The following FOSL2 variants were observed in gnomAD, a reference collection of about 807,000 sequenced individuals.
The protein encoded by FOSL2 is fos-related antigen 2.
Under a neutral mutation model 27.7 loss-of-function variants are expected in FOSL2, and 3 were observed. The observed-to-expected ratio is 0.11, with a 90% CI of 0.05 to 0.28. The LOEUF is 0.28. FOSL2 is among the 10% of genes least tolerant of loss of function. FOSL2 has a pLI of 1.00. For synonymous variants in FOSL2, 179 were observed against 190.1 expected (o/e 0.94, Z 0.48); for missense variants, 333 against 445.1 (o/e 0.75, Z 2.27).
Position 28,404,112 on chromosome 2 carries a change from C to A in FOSL2, c.108C>A (p.Phe36Leu). 1 of 1,613,996 alleles carries A rather than the reference C, an allele frequency of 6.2e-7. No individual in the cohort carries two copies. The highest frequency in any genetic ancestry group is 1.1e-5 in the South Asian group (1 of 91,056). Reference protein sequence around the residue: ...YSSGGGGQQKFRVDMPGSGSA... With the variant: ...YSSGGGGQQKLRVDMPGSGSA... ...ATTTTTTTTCCTCATTTCAGAAATTCCGGGTAGATATGCCTGGCTCAGGCA... is the reference window on the plus strand; with the variant it reads ...ATTTTTTTTCCTCATTTCAGAAATTACGGGTAGATATGCCTGGCTCAGGCA... Residue 36 changes from phenylalanine (F) to leucine (L), a missense_variant, in exon 2 of 4, where the codon TTC becomes TTA. By Grantham distance (22) the Phe-to-Leu change is conservative. Coordinates refer to ENST00000264716, the MANE Select transcript of FOSL2 (RefSeq NM_005253.4). This position sits in a 1 kb window ranked among gnomAD's most constrained non-coding sequence, Gnocchi z 4.7.
In FOSL2 at chr2:28,393,417, G is replaced by C. The variant is rs1663721041; in HGVS notation, c.-304G>C. Reference sequence around the variant, plus strand: ...CGGCTGCGCGCGGGGGCGGGAGGGCGCGCGCAGGGGAGGGACCGAGAGACG... The same window carrying C: ...CGGCTGCGCGCGGGGGCGGGAGGGCCCGCGCAGGGGAGGGACCGAGAGACG... On this transcript the variant is annotated 5_prime_UTR_variant, in exon 1 of 4. Transcript: ENST00000264716. This position sits in a 1 kb window ranked among gnomAD's most constrained non-coding sequence, Gnocchi z 4.6. The C allele has an allele frequency of 2.9e-6, 1 of 341,192 alleles. No individual in the cohort carries two copies. The highest frequency in any genetic ancestry group is 2.2e-5 in the African/African-American group (1 of 45,604). The allele number at this position is 341,192 out of a possible 1,614,324, so 21.1% of individuals were successfully genotyped here.
At chr2:28,407,973 TC>T (rs1445439505) in intron 2 of FOSL2, among the ~76,000 whole-genome samples, 1 of 152,306 alleles carries the variant, frequency 6.6e-6, no homozygotes, top group African/African-American at 2.4e-5. Flanking sequence ...CGCAGATAAA[TC>T]CCAAGCCCGT....
intron 3 of FOSL2, among the ~76,000 whole-genome samples, chr2:28,410,302 C>T (rs1484733388): frequency 6.6e-6 from 1 of 152,170 alleles, no homozygotes; most frequent in African/African-American, 2.4e-5. Flanking sequence ...CTTCAAGGAG[C>T]TGTGCCCCAT....
At position 28,412,329 on chromosome 2, in the gene FOSL2, C is replaced by G; in HGVS notation, c.862C>G (p.Leu288Val). Residue 288 changes from leucine (L) to valine (V), a missense_variant, in exon 4 of 4, where the codon CTG becomes GTG. Transcript: ENST00000264716. This position sits in a 1 kb window ranked among gnomAD's most constrained non-coding sequence, Gnocchi z 7.1. ...SNLVFTYPSV[L>V]EQESPASPSE... Reference sequence around the variant, plus strand: ...CCTCGTCTTCACCTATCCTAGCGTCCTGGAGCAGGAGTCACCCGCATCTCC... The same window carrying G: ...CCTCGTCTTCACCTATCCTAGCGTCGTGGAGCAGGAGTCACCCGCATCTCC... 6.2e-7 allele frequency: 1 copy of G among 1,613,912 alleles called. No individual in the cohort carries two copies. The highest frequency in any genetic ancestry group is 8.5e-7 in the Non-Finnish European group (1 of 1,180,024).
Position 28,414,703 on chromosome 2 carries a change from GC to G in FOSL2, c.*2256del, listed in dbSNP as rs1184515578. On this transcript the variant is annotated 3_prime_UTR_variant, in exon 4 of 4. Transcript: ENST00000264716. ...GCCCCCTTATACCCCACTTTGTGCA[GC>G]AAAGATCCCCGTGCAGGTCACAGCC... The G allele has an allele frequency of 6.6e-6, 1 of 152,156 alleles. No individual in the cohort carries two copies. The highest frequency in any genetic ancestry group is 1.5e-5 in the Non-Finnish European group (1 of 68,028). The allele number at this position is 152,156 out of a possible 1,614,324, so 9.4% of individuals were successfully genotyped here. A position where few individuals can be genotyped will look rare whatever the true frequency, so the allele number is the denominator to read the frequency against.
chr2:28,401,578 C>A (rs1333605764), intron 1 of FOSL2, among the ~76,000 whole-genome samples: 3 of 152,152 alleles, frequency 2.0e-5, no homozygotes, highest in African/African-American at 7.2e-5. Flanking sequence ...TCCCATCCAG[C>A]AGCTCAGGAA....
In FOSL2 at chr2:28,408,975, C is replaced by T; in HGVS notation, c.462+109C>T. ...TGTCTCCTTACCCACAAATGCCCTA[C>T]AGATGAGTCAGTGGAGATAGAGCTT... On this transcript the variant is annotated intron_variant, in intron 3 of 3. Coordinates refer to ENST00000264716, the MANE Select transcript of FOSL2 (RefSeq NM_005253.4). The surrounding 1 kb of genome is among the most constrained non-coding windows in gnomAD (Gnocchi z 4.1). The T allele has an allele frequency of 1.5e-6, 1 of 648,268 alleles. No homozygotes were observed. Among genetic ancestry groups the T allele is most frequent in the Non-Finnish European group, 2.6e-6 (1 of 381,712 alleles). 40.2% of individuals were successfully genotyped at this position (648,268 alleles called of 1,614,324 possible). A position where few individuals can be genotyped will look rare whatever the true frequency, so the allele number is the denominator to read the frequency against.
intron 3 of FOSL2, among the ~76,000 whole-genome samples, chr2:28,409,884 G>A (rs1394084476): frequency 6.6e-6 from 1 of 152,168 alleles, no homozygotes; most frequent in African/African-American, 2.4e-5. Flanking sequence ...GGGATTACAG[G>A]TGCCTGCCAC....
chr2:28,413,175 G>A lies in FOSL2; in HGVS notation c.*727G>A, dbSNP rs1664239258. 1 of 251,982 alleles carries A rather than the reference G, an allele frequency of 4.0e-6. No homozygotes were observed. Among genetic ancestry groups the A allele is most frequent in the African/African-American group, 2.2e-5 (1 of 45,216 alleles). The allele number at this position is 251,982 out of a possible 1,614,324, so 15.6% of individuals were successfully genotyped here. A position where few individuals can be genotyped will look rare whatever the true frequency, so the allele number is the denominator to read the frequency against. On this transcript the variant is annotated 3_prime_UTR_variant, in exon 4 of 4. Transcript: ENST00000264716. ...CCCACCTTCGGAGACGGCTTCTGGA[G>A]GAACGGCTTGGCCAGAAGACAGGGT...
At chr2:28,410,333 C>A in intron 3 of FOSL2, 1 of 154,198 alleles carries the variant, frequency 6.5e-6, no homozygotes, top group Non-Finnish European at 1.4e-5. Flanking sequence ...TCACCACCCG[C>A]CCCGGAATAG....
chr2:28,393,724 T>TACCAGGATTATCC lies in FOSL2; in HGVS notation c.5_17dup (p.Gly7ProfsTer8). On this transcript the variant is annotated frameshift_variant, in exon 1 of 4. Transcript: ENST00000264716. LOFTEE classifies it high-confidence loss of function. The surrounding 1 kb of genome is among the most constrained non-coding windows in gnomAD (Gnocchi z 4.6). ...TCTCCGGCCCCCACCGCGGATCATG[T>TACCAGGATTATCC]ACCAGGATTATCCCGGGAACTTTGA... The TACCAGGATTATCC allele has an allele frequency of 6.2e-7, 1 of 1,607,756 alleles. No individual in the cohort carries two copies.
At chr2:28,399,404 T>C (rs1012993945) in intron 1 of FOSL2, among the ~76,000 whole-genome samples, 2 of 152,320 alleles carry the variant, frequency 1.3e-5, no homozygotes, top group Admixed American at 1.3e-4. Flanking sequence ...GGAGGCAGTT[T>C]TCCCAAATCA....
Position 28,412,885 on chromosome 2 carries a change from G to A in FOSL2, c.*437G>A, listed in dbSNP as rs190811106. Reference sequence around the variant, plus strand: ...CGACTTGACCCTTTCCTCCCCCAGCGTCAGTTTCACTCCCTCTTGGTTTTT... The same window carrying A: ...CGACTTGACCCTTTCCTCCCCCAGCATCAGTTTCACTCCCTCTTGGTTTTT... On this transcript the variant is annotated 3_prime_UTR_variant, in exon 4 of 4. Coordinates refer to ENST00000264716, the MANE Select transcript of FOSL2 (RefSeq NM_005253.4). This position sits in a 1 kb window ranked among gnomAD's most constrained non-coding sequence, Gnocchi z 7.1. 3.6e-5 allele frequency: 6 copies of A among 168,146 alleles called. No individual in the cohort carries two copies. In the East Asian group the frequency reaches 5.1e-4, roughly 14 times the overall value. 10.4% of individuals were successfully genotyped at this position (168,146 alleles called of 1,614,324 possible).
In FOSL2 at chr2:28,414,042, A is replaced by G. The variant is rs2148104036; in HGVS notation, c.*1594A>G. On this transcript the variant is annotated 3_prime_UTR_variant, in exon 4 of 4. Transcript: ENST00000264716. ...ATGGCTCCTGCTGAGTTTCTTGTCC[A>G]GCAGGGCCTTGACAGGAATCCAGGG... The G allele has an allele frequency of 2.6e-6, 1 of 389,356 alleles. No homozygotes were observed. The highest frequency in any genetic ancestry group is 4.5e-6 in the Non-Finnish European group (1 of 220,656). The allele number at this position is 389,356 out of a possible 1,614,324, so 24.1% of individuals were successfully genotyped here.
Position 28,412,203 on chromosome 2 carries a change from A to G in FOSL2, c.736A>G (p.Ile246Val), listed in dbSNP as rs778892052. The G allele has an allele frequency of 1.2e-6, 2 of 1,613,138 alleles. No individual in the cohort carries two copies. Among genetic ancestry groups the G allele is most frequent in the Non-Finnish European group, 1.7e-6 (2 of 1,179,746 alleles). Reference sequence around the variant, plus strand: ...GCTGGACAAGGCCCAGCGCTCTGTCATCAAGCCCATCAGCATTGCTGGGGG... The same window carrying G: ...GCTGGACAAGGCCCAGCGCTCTGTCGTCAAGCCCATCAGCATTGCTGGGGG... ...AGLDKAQRSV[I>V]KPISIAGGFY... The change falls in exon 4 of 4, where the codon ATC (isoleucine) becomes GTC (valine). Residue 246 changes from isoleucine (I) to valine (V), a missense_variant. Physicochemically the swap from Ile to Val is conservative, Grantham distance 29. Coordinates refer to ENST00000264716, the MANE Select transcript of FOSL2 (RefSeq NM_005253.4). This position sits in a 1 kb window ranked among gnomAD's most constrained non-coding sequence, Gnocchi z 7.1.
chr2:28,393,850 G>A lies in FOSL2; in HGVS notation c.102+28G>A. The A allele has an allele frequency of 6.6e-7, 1 of 1,510,126 alleles. No individual in the cohort carries two copies. The allele number at this position is 1,510,126 out of a possible 1,614,324, so 93.5% of individuals were successfully genotyped here. ...AGGTGCGGGCCCCGGTGCACCTGGC[G>A]GCGCGGGCGGACCCCTGCCCTCTTC... On this transcript the variant is annotated intron_variant, in intron 1 of 3. Transcript: ENST00000264716. This position sits in a 1 kb window ranked among gnomAD's most constrained non-coding sequence, Gnocchi z 4.6.
chr2:28,414,444 C>G lies in FOSL2; in HGVS notation c.*1996C>G, dbSNP rs1012975338. On this transcript the variant is annotated 3_prime_UTR_variant, in exon 4 of 4. Transcript: ENST00000264716. The stretch of plus-strand genomic sequence containing the variant: ...CCCCTCTCCCGATTTCCCAGGGGCT[C>G]TGGGAGGGACCCTTCTAAGAAGATT... The G allele has an allele frequency of 5.3e-5, 8 of 152,144 alleles. No individual in the cohort carries two copies. Among genetic ancestry groups the G allele is most frequent in the Non-Finnish European group, 8.8e-5 (6 of 68,014 alleles). The allele number at this position is 152,144 out of a possible 1,614,324, so 9.4% of individuals were successfully genotyped here.
At chr2:28,396,291 G>C (rs913498015) in intron 1 of FOSL2, among the ~76,000 whole-genome samples, 5 of 151,880 alleles carry the variant, frequency 3.3e-5, no homozygotes, top group African/African-American at 1.2e-4. Context: ...GACTTTGGGG[G>C]TGGGGGGAGC....
intron 3 of FOSL2, chr2:28,410,665 C>A: frequency 2.7e-6 from 1 of 370,494 alleles, no homozygotes; most frequent in Non-Finnish European, 3.7e-6. Context: ...CCACAGCGGC[C>A]CCTCCACGTG....
Sources: gnomAD v4.1 joint callset for allele counts (sites outside exome capture counted in the v4.1 genomes callset) on GRCh38, gnomAD v4.1.1 for gene constraint, Gnocchi (gnomAD v3.1) non-coding constraint, MANE v1.5 for transcripts, NCBI Gene and HGNC (gene_info 2026-07-23, HGNC 2026-07-21) for gene names.